KCNK9: variants seen among roughly 807,000 people sequenced by gnomAD.
The protein encoded by KCNK9 is potassium two pore domain channel subfamily K member 9, also known as potassium channel subfamily K member 9.
Under a neutral mutation model 10.8 loss-of-function variants are expected in KCNK9, and 1 was observed. That is an observed-to-expected ratio of 0.09 (90% CI 0.03 to 0.44). The LOEUF is 0.44. Among genes scored for constraint, KCNK9 ranks in the 20% least tolerant of loss-of-function variants. The pLI is 0.97. For synonymous variants in KCNK9, 231 were observed against 222.7 expected (o/e 1.04, Z -0.33); for missense variants, 303 against 515.0 (o/e 0.59, Z 3.98).
chr8:139,650,239 G>A (rs1815822260), intron 1 of KCNK9, among the ~76,000 whole-genome samples: 1 of 152,200 alleles, frequency 6.6e-6, no homozygotes, highest in African/African-American at 2.4e-5. Flanking sequence ...CTGTAGGGGT[G>A]AGGTGGGAGC....
intron 1 of KCNK9, among the ~76,000 whole-genome samples, chr8:139,661,484 G>A (rs1282930498): frequency 6.6e-6 from 1 of 152,178 alleles, no homozygotes; most frequent in African/African-American, 2.4e-5. Flanking sequence ...CCCCTGCCAG[G>A]CTTGCCCTCG....
intron 1 of KCNK9, among the ~76,000 whole-genome samples, chr8:139,699,117 C>G (rs1243311044): frequency 2.6e-5 from 4 of 152,220 alleles, no homozygotes; most frequent in African/African-American, 9.6e-5. Context: ...CCTCTACACT[C>G]TGCAGATGAG....
At chr8:139,621,097 A>G (rs1005995088) in intron 1 of KCNK9, among the ~76,000 whole-genome samples, 4 of 152,174 alleles carry the variant, frequency 2.6e-5, no homozygotes, top group Non-Finnish European at 4.4e-5. Context: ...AGCCTGGCCA[A>G]CATGGTGAAA....
chr8:139,643,528 T>C (rs1019111516), intron 1 of KCNK9, among the ~76,000 whole-genome samples: 105 of 152,304 alleles, frequency 6.9e-4, no homozygotes, highest in African/African-American at 2.3e-3. Flanking sequence ...TGGGCCAAGG[T>C]CACCGTGCAC....
In KCNK9 at chr8:139,619,177, G is replaced by GGTGCA; in HGVS notation, c.284-83_284-79dup. 6.5e-6 allele frequency: 10 copies of GGTGCA among 1,530,600 alleles called. No individual in the cohort carries two copies. The East Asian group carries it at 9.1e-5, about 14-fold the overall frequency. The allele number at this position is 1,530,600 out of a possible 1,614,324, so 94.8% of individuals were successfully genotyped here. ...GGTTGGGGGAAGGGAGGGTCGACTT[G>GGTGCA]GTGCAGTGCAGTGCAATGCAGAGGG... On this transcript the variant is annotated intron_variant, in intron 1 of 1. Coordinates refer to ENST00000520439, the MANE Select transcript of KCNK9 (RefSeq NM_001282534.2).
At chr8:139,698,991 G>A (rs574077694) in intron 1 of KCNK9, among the ~76,000 whole-genome samples, 31 of 152,238 alleles carry the variant, frequency 2.0e-4, no homozygotes, top group South Asian at 1.5e-3. Flanking sequence ...CTTCAGCTGG[G>A]CCCCGAGGTT....
chr8:139,657,662 C>T (rs1471192731), intron 1 of KCNK9, among the ~76,000 whole-genome samples: 4 of 152,192 alleles, frequency 2.6e-5, no homozygotes, highest in Non-Finnish European at 2.9e-5. Context: ...GAGCATAGGG[C>T]GTTGACTGGG....
At chr8:139,649,084 T>A in intron 1 of KCNK9, among the ~76,000 whole-genome samples, 1 of 152,148 alleles carries the variant, frequency 6.6e-6, no homozygotes, top group East Asian at 1.9e-4. Context: ...TTTCTCCCCA[T>A]CCCCGACGCC....
downstream of KCNK9, among the ~76,000 whole-genome samples, chr8:139,609,111 A>ACCCCG (rs1554617335): frequency 1.6e-4 from 11 of 67,234 alleles, no homozygotes; most frequent in Admixed American, 1.1e-3. Flanking sequence ...ATCCCACCCC[A>ACCCCG]CCCCGCCCCG....
chr8:139,662,226 G>A (rs567598614), intron 1 of KCNK9, among the ~76,000 whole-genome samples: 2 of 152,290 alleles, frequency 1.3e-5, no homozygotes, highest in Non-Finnish European at 2.9e-5. Flanking sequence ...GAGATGGCAG[G>A]AGCAGGCTAT....
intron 1 of KCNK9, among the ~76,000 whole-genome samples, chr8:139,620,873 A>G (rs555150408): frequency 6.6e-6 from 1 of 152,200 alleles, no homozygotes; most frequent in Non-Finnish European, 1.5e-5. Context: ...CAATCTGAAG[A>G]GCAGAGAGGA....
chr8:139,667,105 T>G (rs944539617), intron 1 of KCNK9, among the ~76,000 whole-genome samples: 1 of 142,072 alleles, frequency 7.0e-6, no homozygotes, highest in South Asian at 2.4e-4. Context: ...GATGCAGATC[T>G]GCATGCCCAG....
At chr8:139,606,239 C>A (rs1439723059) in intron 2 of KCNK9, among the ~76,000 whole-genome samples, 1 of 152,214 alleles carries the variant, frequency 6.6e-6, no homozygotes, top group Non-Finnish European at 1.5e-5. Flanking sequence ...AAGCCCATTT[C>A]TGCTACAACT....
chr8:139,690,907 C>T (rs1816922191), intron 1 of KCNK9, among the ~76,000 whole-genome samples: 1 of 152,108 alleles, frequency 6.6e-6, no homozygotes, highest in African/African-American at 2.4e-5. Context: ...TAGATTGCAC[C>T]CAGGTCAAGC....
Position 139,703,012 on chromosome 8 carries a change from G to A in KCNK9, c.-20C>T. On this transcript the variant is annotated 5_prime_UTR_variant, in exon 1 of 2. Transcript: ENST00000520439. This position sits in a 1 kb window ranked among gnomAD's most constrained non-coding sequence, Gnocchi z 6.4. ...CTTCATGGCCGCCAGCAAGGAGCCG[G>A]CGCGGGGGGCATGTCCCGCAGGCTC... is the stretch of plus-strand genomic sequence containing the variant. 1 of 1,547,332 alleles carries A rather than the reference G, an allele frequency of 6.5e-7. No homozygotes were observed. Among genetic ancestry groups the A allele is most frequent in the Non-Finnish European group, 8.7e-7 (1 of 1,149,286 alleles).
chr8:139,662,494 G>A (rs1816181451), intron 1 of KCNK9, among the ~76,000 whole-genome samples: 1 of 152,122 alleles, frequency 6.6e-6, no homozygotes, highest in Admixed American at 6.5e-5. Context: ...CAAAAAAGGA[G>A]GCTCAAGTTC....
chr8:139,661,632 G>A (rs1486434844), intron 1 of KCNK9, among the ~76,000 whole-genome samples: 1 of 152,190 alleles, frequency 6.6e-6, no homozygotes. Context: ...ACCAGCCCAG[G>A]CTGACGGCCC....
At chr8:139,632,824 A>G (rs1815215132) in intron 1 of KCNK9, among the ~76,000 whole-genome samples, 1 of 152,174 alleles carries the variant, frequency 6.6e-6, no homozygotes, top group African/African-American at 2.4e-5. Context: ...GTAACCCGTG[A>G]TGCATGAAGC....
intron 1 of KCNK9, among the ~76,000 whole-genome samples, chr8:139,641,084 G>A (rs967875284): frequency 3.3e-5 from 5 of 152,236 alleles, no homozygotes; most frequent in African/African-American, 4.8e-5. Context: ...GGTCTGGCAC[G>A]AGGAGGTGAG....
Sources: gnomAD v4.1 joint callset for allele counts (sites outside exome capture counted in the v4.1 genomes callset) on GRCh38, gnomAD v4.1.1 for gene constraint, Gnocchi (gnomAD v3.1) non-coding constraint, MANE v1.5 for transcripts, NCBI Gene and HGNC (gene_info 2026-07-23, HGNC 2026-07-21) for gene names.